PTPN21: variants seen among roughly 807,000 people sequenced by gnomAD.
The protein encoded by PTPN21 is protein tyrosine phosphatase non-receptor type 21.
A neutral mutation model predicts 131.8 loss-of-function variants in PTPN21; 77 were observed. That is an observed-to-expected ratio of 0.58 (90% CI 0.49 to 0.71). The LOEUF is 0.71. Ranked by LOEUF, PTPN21 falls within the 30% of genes least tolerant of loss-of-function variation. PTPN21 has a pLI of 0.00. For missense variants in PTPN21, 1,552 were observed against 1,527.1 expected, an observed-to-expected ratio of 1.02 and a Z score of -0.27; for synonymous variants, 715 against 621.3, an observed-to-expected ratio of 1.15 and a Z score of -2.24.
chr14:88,468,738 C>G (rs1161828068), intron 18 of PTPN21, among the ~76,000 whole-genome samples, 178 bp downstream of exon 18: 1 of 152,146 alleles, frequency 6.6e-6, no homozygotes, highest in African/African-American at 2.4e-5. Flanking sequence ...CTTTAATATG[C>G]TAATTGGTAC....
intron 3 of PTPN21, among the ~76,000 whole-genome samples, chr14:88,509,495 G>T (rs12433026): frequency 0.35 from 52,755 of 151,954 alleles, 9,736 homozygotes; most frequent in African/African-American, 0.48. Context: ...ATCCATTCAA[G>T]TAAGAAGAAT....
chr14:88,481,455 T>G (rs1227523345), intron 12 of PTPN21, among the ~76,000 whole-genome samples: 2 of 152,112 alleles, frequency 1.3e-5, no homozygotes, highest in African/African-American at 4.8e-5. Flanking sequence ...TTGTCTGAAC[T>G]AGCTCTATAT....
At chr14:88,505,520 G>A in intron 4 of PTPN21, 149 bp from the exon 5 acceptor site, 1 of 508,190 alleles carries the variant, frequency 2.0e-6, no homozygotes, top group Non-Finnish European at 3.4e-6. Flanking sequence ...TATTTTTAAA[G>A]TATCTTTTTA....
chr14:88,511,969 T>C (rs1474270133), intron 3 of PTPN21, among the ~76,000 whole-genome samples: 1 of 152,194 alleles, frequency 6.6e-6, no homozygotes, highest in African/African-American at 2.4e-5. Context: ...CCTTTTTTCT[T>C]CATCTGTTTT....
Position 88,530,562 on chromosome 14 carries a change from CACATAA to C in PTPN21, c.181-13307_181-13302del, listed in dbSNP as rs577089817. On this transcript the variant is annotated intron_variant, in intron 2 of 18. Coordinates refer to ENST00000556564, the MANE Select transcript of PTPN21 (RefSeq NM_007039.4). ...GAGGTTCATCTAACACATAAGAACT[CACATAA>C]ACTTAAGGTAAAGGAGTGGAAAAAG... 9.7e-5 allele frequency among the ~76,000 whole-genome samples: 14 copies of C among 144,202 alleles called. No individual in the cohort carries two copies. In the South Asian group the frequency reaches 3.0e-3, roughly 31 times the overall value. 94.6% of individuals were successfully genotyped at this position (144,202 alleles called of 152,430 possible). A position where few individuals can be genotyped will look rare whatever the true frequency, so the allele number is the denominator to read the frequency against.
intron 2 of PTPN21, among the ~76,000 whole-genome samples, chr14:88,531,808 A>C (rs1242979982): frequency 6.6e-6 from 1 of 152,100 alleles, no homozygotes; most frequent in African/African-American, 2.4e-5. Context: ...AAAACAAAAC[A>C]AAAACAAAAA....
chr14:88,530,327 T>C (rs927589921), intron 2 of PTPN21, among the ~76,000 whole-genome samples: 2 of 152,098 alleles, frequency 1.3e-5, no homozygotes, highest in Non-Finnish European at 2.9e-5. Flanking sequence ...AGAAACTCCT[T>C]AAAGCATAAA....
chr14:88,506,808 G>A (rs2078097088), intron 4 of PTPN21, among the ~76,000 whole-genome samples: 1 of 152,106 alleles, frequency 6.6e-6, no homozygotes, highest in Non-Finnish European at 1.5e-5. Context: ...TTGGAAGGCT[G>A]AGGCAGGTGG....
At chr14:88,485,004 T>A (rs1408900300) in intron 12 of PTPN21, 72 bp downstream of exon 12, 1 of 1,318,890 alleles carries the variant, frequency 7.6e-7, no homozygotes, top group African/African-American at 1.5e-5. Context: ...CCAGGCTTCA[T>A]GATCTCCAAG....
At chr14:88,477,709 C>CA (rs2077568989) in intron 13 of PTPN21, among the ~76,000 whole-genome samples, 2 of 152,054 alleles carry the variant, frequency 1.3e-5, no homozygotes, top group African/African-American at 4.8e-5. Context: ...TGGAAGCCAA[C>CA]AGGAGATAGG....
rs2078905823 is a variant in PTPN21, at chr14:88,554,982, G to T, written c.-534C>A. ...GACCGACGCGGGACGCGCGGCCGGA[G>T]CAGCGGGGCGGCCGGGCCCAGGCGT... On this transcript the variant is annotated 5_prime_UTR_variant, in exon 1 of 19. Transcript: ENST00000556564. 1.1e-5 allele frequency among the ~76,000 whole-genome samples: 1 copy of T among 88,630 alleles called. No homozygotes were observed. The highest frequency in any genetic ancestry group is 3.7e-5 in the African/African-American group (1 of 26,734). The allele number at this position is 88,630 out of a possible 152,430, so 58.1% of individuals were successfully genotyped here.
chr14:88,493,714 G>C (rs2077860342), intron 10 of PTPN21, among the ~76,000 whole-genome samples: 1 of 152,310 alleles, frequency 6.6e-6, no homozygotes, highest in South Asian at 2.1e-4. Flanking sequence ...AGGGACAAGA[G>C]GACAGCTTAA....
At chr14:88,488,421 C>T (rs2077769111) in intron 10 of PTPN21, among the ~76,000 whole-genome samples, 1 of 152,150 alleles carries the variant, frequency 6.6e-6, no homozygotes, top group Non-Finnish European at 1.5e-5. Flanking sequence ...AGTGCTTGAC[C>T]CAGGCAGCCA....
intron 3 of PTPN21, among the ~76,000 whole-genome samples, chr14:88,515,905 C>T (rs1170723792): frequency 2.0e-5 from 3 of 152,140 alleles, no homozygotes; most frequent in Non-Finnish European, 4.4e-5. Context: ...CTTCTGGCTT[C>T]CACTTTTCTC....
intron 3 of PTPN21, among the ~76,000 whole-genome samples, chr14:88,511,710 C>T (rs1035380036): frequency 6.6e-6 from 1 of 152,082 alleles, no homozygotes; most frequent in African/African-American, 2.4e-5. Flanking sequence ...ATGTAACATG[C>T]AGACCTGAAT....
At position 88,480,346 on chromosome 14, in the gene PTPN21, AGGTTATCT is replaced by A. The variant is rs1184678447; in HGVS notation, c.1079-2_1084del. 6.2e-7 allele frequency: 1 copy of A among 1,603,522 alleles called. No homozygotes were observed. Among genetic ancestry groups the A allele is most frequent in the Admixed American group, 1.7e-5 (1 of 59,092 alleles). On this transcript the variant is annotated splice_acceptor_variant and coding_sequence_variant, in exon 13 of 19. Transcript: ENST00000556564. LOFTEE classifies it high-confidence loss of function. ...GTATCCGTTCTGGTTGGGCACAAAGAGGTTATCTAGAAAAAATGAGTTCAAAATGAGAT... is the reference window on the plus strand; with the variant it reads ...GTATCCGTTCTGGTTGGGCACAAAGAAGAAAAAATGAGTTCAAAATGAGAT...
chr14:88,474,985 G>A (rs973673964), intron 13 of PTPN21, among the ~76,000 whole-genome samples: 7 of 152,026 alleles, frequency 4.6e-5, no homozygotes, highest in African/African-American at 7.3e-5. Flanking sequence ...CCAGCTACTC[G>A]GGAGGCTGAG....
At chr14:88,470,684 C>T (rs1434367909) in intron 15 of PTPN21, among the ~76,000 whole-genome samples, 1 of 152,232 alleles carries the variant, frequency 6.6e-6, no homozygotes, top group African/African-American at 2.4e-5. Flanking sequence ...AGCCTTGTGC[C>T]ACACGCACTC....
chr14:88,505,555 G>A (rs1030745908), intron 4 of PTPN21, among the ~76,000 whole-genome samples, 184 bp from the exon 5 acceptor site: 3 of 152,138 alleles, frequency 2.0e-5, no homozygotes, highest in Admixed American at 2.0e-4. Flanking sequence ...GCAGATATGA[G>A]TCTTGGCTTG....
Sources: allele counts gnomAD v4.1 joint callset (sites outside exome capture counted in the v4.1 genomes callset), GRCh38; gene constraint gnomAD v4.1.1; transcripts MANE v1.5; gene names NCBI Gene and HGNC (gene_info 2026-07-23, HGNC 2026-07-21).